The following SPRED1 variants were observed in gnomAD, a reference collection of about 807,000 sequenced individuals.
SPRED1 encodes sprouty related EVH1 domain containing 1, also known as sprouty-related, EVH1 domain-containing protein 1.
SPRED1 carries 18 observed loss-of-function variants against 52.3 expected under a neutral mutation model. That is an observed-to-expected ratio of 0.34 (90% CI 0.24 to 0.51). The LOEUF (loss-of-function observed/expected upper bound fraction) is 0.51, where lower values mean the gene tolerates loss of function less well. Among genes scored for constraint, SPRED1 ranks in the 20% least tolerant of loss-of-function variants. The pLI, the probability that SPRED1 is intolerant of heterozygous loss-of-function variation, is 0.97. For missense variants in SPRED1, 485 were observed against 551.0 expected, an observed-to-expected ratio of 0.88 and a Z score of 1.20; for synonymous variants, 155 against 179.7, an observed-to-expected ratio of 0.86 and a Z score of 1.10.
chr15:38,291,717 A>G (rs913520157), intron 1 of SPRED1, among the ~76,000 whole-genome samples: 2 of 152,216 alleles, frequency 1.3e-5, no homozygotes, highest in African/African-American at 4.8e-5. Context: ...CCTTTCAGCC[A>G]TGGCTGGAGT....
intron 1 of SPRED1, among the ~76,000 whole-genome samples, chr15:38,294,385 T>TA (rs1393917405): frequency 6.6e-6 from 1 of 152,158 alleles, no homozygotes; most frequent in East Asian, 1.9e-4. Context: ...CTATTGTAAT[T>TA]AAAAATGGAA....
Position 38,315,204 on chromosome 15 carries a change from G to A in SPRED1, c.208-7037G>A, listed in dbSNP as rs1895451741. Among the ~76,000 whole-genome samples the A allele has an allele frequency of 2.0e-5, 3 of 151,914 alleles. No individual in the cohort carries two copies. In the South Asian group the frequency reaches 6.2e-4, roughly 32 times the overall value. ...AATTTGGAATTATTATTTTAAAAAT[G>A]AAATTATTTTTCATTGGATTCAAAG... is the stretch of plus-strand genomic sequence containing the variant. On this transcript the variant is annotated intron_variant, in intron 2 of 6. Transcript: ENST00000299084.
intron 4 of SPRED1, chr15:38,326,417 G>A (rs562474437): frequency 2.4e-4 from 37 of 152,166 alleles, no homozygotes; most frequent in Non-Finnish European, 1.2e-4. Flanking sequence ...TTCTCAGTAT[G>A]TCAAATGGCT....
At chr15:38,260,708 T>C (rs971285859) in intron 1 of SPRED1, among the ~76,000 whole-genome samples, 6 of 152,238 alleles carry the variant, frequency 3.9e-5, no homozygotes, top group African/African-American at 1.2e-4. Flanking sequence ...TTAATTTCTT[T>C]TGTAATACTG....
intron 5 of SPRED1, among the ~76,000 whole-genome samples, chr15:38,343,913 A>G (rs1896079295): frequency 6.6e-6 from 1 of 152,172 alleles, no homozygotes; most frequent in Non-Finnish European, 1.5e-5. Context: ...ATCCAAATTT[A>G]TTATGAAATT....
intron 1 of SPRED1, among the ~76,000 whole-genome samples, chr15:38,271,945 C>G (rs543597153): frequency 3.3e-5 from 5 of 152,092 alleles, no homozygotes; most frequent in Non-Finnish European, 7.4e-5. Context: ...GTCTATTGTT[C>G]CCATCTTTAT....
Position 38,339,789 on chromosome 15 carries a change from A to C in SPRED1, c.476A>C (p.Gln159Pro), listed in dbSNP as rs769206547. 2 of 1,613,988 alleles carry C rather than the reference A, an allele frequency of 1.2e-6. No homozygotes were observed. Among genetic ancestry groups the C allele is most frequent in the South Asian group, 1.1e-5 (1 of 91,078 alleles). ...SSLVKDHLFQ[Q>P]ETVVTSEPYR... ...CTAGTGAAGGATCACCTTTTTCAGCAAGAGACAGTTGTTACCAGTGAGCCT... is the reference window on the plus strand; with the variant it reads ...CTAGTGAAGGATCACCTTTTTCAGCCAGAGACAGTTGTTACCAGTGAGCCT... Residue 159 changes from glutamine to proline, a missense_variant, in exon 5 of 7, where the codon CAA (glutamine) becomes CCA (proline). Transcript: ENST00000299084.
chr15:38,304,935 C>T (rs766113610), intron 2 of SPRED1, among the ~76,000 whole-genome samples: 1 of 152,070 alleles, frequency 6.6e-6, no homozygotes, highest in Non-Finnish European at 1.5e-5. Context: ...TCAAACAACC[C>T]TTTCATTCAT....
chr15:38,286,568 G>A (rs1237785554), intron 1 of SPRED1, among the ~76,000 whole-genome samples: 1 of 143,734 alleles, frequency 7.0e-6, no homozygotes, highest in South Asian at 2.2e-4. Flanking sequence ...CTGTGGTAAT[G>A]TCCTATTTCT....
intron 2 of SPRED1, among the ~76,000 whole-genome samples, chr15:38,319,861 A>C (rs1895567586): frequency 6.6e-6 from 1 of 152,218 alleles, no homozygotes; most frequent in African/African-American, 2.4e-5. Flanking sequence ...TAAAAGGTTT[A>C]ACAATCAGCT....
intron 1 of SPRED1, among the ~76,000 whole-genome samples, chr15:38,297,147 C>T (rs72711704): frequency 0.091 from 13,814 of 152,258 alleles, 755 homozygotes; most frequent in East Asian, 0.21. Context: ...TCTTTATCAT[C>T]TACCCAGTCT....
intron 5 of SPRED1, among the ~76,000 whole-genome samples, chr15:38,340,439 A>T (rs1896004461): frequency 6.6e-6 from 1 of 152,178 alleles, no homozygotes; most frequent in Non-Finnish European, 1.5e-5. Context: ...GTATACATTC[A>T]AGCATACATA....
At chr15:38,342,648 C>T (rs1896052708) in intron 5 of SPRED1, among the ~76,000 whole-genome samples, 1 of 151,960 alleles carries the variant, frequency 6.6e-6, no homozygotes, top group South Asian at 2.1e-4. Flanking sequence ...TATTTTCTTT[C>T]ATCAATTTAA....
intron 2 of SPRED1, among the ~76,000 whole-genome samples, chr15:38,304,385 A>G (rs1895209412): frequency 6.6e-6 from 1 of 152,170 alleles, no homozygotes; most frequent in Non-Finnish European, 1.5e-5. Context: ...CAGCCTTCCT[A>G]GCAGTTTTGT....
intron 1 of SPRED1, among the ~76,000 whole-genome samples, chr15:38,290,565 C>G (rs1894901708): frequency 6.6e-6 from 1 of 152,020 alleles, no homozygotes; most frequent in Non-Finnish European, 1.5e-5. Flanking sequence ...AAAGACATAC[C>G]CAAGACTGGG....
intron 1 of SPRED1, among the ~76,000 whole-genome samples, chr15:38,275,678 A>T (rs1894534997): frequency 6.6e-6 from 1 of 152,102 alleles, no homozygotes; most frequent in Non-Finnish European, 1.5e-5. Flanking sequence ...TTGTATTTTC[A>T]GTAGCGACGG....
At chr15:38,258,428 T>C (rs960255927) in intron 1 of SPRED1, among the ~76,000 whole-genome samples, 38 of 152,318 alleles carry the variant, frequency 2.5e-4, no homozygotes, top group African/African-American at 8.9e-4. Flanking sequence ...GTAATCAGTC[T>C]CCTATTGTTG....
At position 38,351,945 on chromosome 15, in the gene SPRED1, A is replaced by C. The variant is rs994432500; in HGVS notation, c.*281A>C. 12 of 491,080 alleles carry C rather than the reference A, an allele frequency of 2.4e-5. No homozygotes were observed. The highest frequency in any genetic ancestry group is 2.1e-4 in the African/African-American group (11 of 51,588). The allele number at this position is 491,080 out of a possible 1,614,324, so 30.4% of individuals were successfully genotyped here. A position where few individuals can be genotyped will look rare whatever the true frequency, so the allele number is the denominator to read the frequency against. Reference sequence around the variant, plus strand: ...CAGCATAAAATATGATCCAACTAAAAGGGATTAATTTTTGGCATTTTTGTA... The same window carrying C: ...CAGCATAAAATATGATCCAACTAAACGGGATTAATTTTTGGCATTTTTGTA... On this transcript the variant is annotated 3_prime_UTR_variant, in exon 7 of 7. Transcript: ENST00000299084.
At chr15:38,256,740 G>C (rs1894105070) in intron 1 of SPRED1, among the ~76,000 whole-genome samples, 1 of 151,928 alleles carries the variant, frequency 6.6e-6, no homozygotes. Context: ...TATACCCAGT[G>C]GTGAGTTATT....
Sources: gnomAD v4.1 joint callset for allele counts (sites outside exome capture counted in the v4.1 genomes callset) on GRCh38, gnomAD v4.1.1 for gene constraint, MANE v1.5 for transcripts, NCBI Gene and HGNC (gene_info 2026-07-23, HGNC 2026-07-21) for gene names.